The following CLSPN variants were observed in gnomAD, a reference collection of about 807,000 sequenced individuals.
The protein encoded by CLSPN is claspin.
Under a neutral mutation model 156.3 loss-of-function variants are expected in CLSPN, and 85 were observed. The observed-to-expected ratio is 0.54, with a 90% CI of 0.46 to 0.65. CLSPN has a LOEUF of 0.65. Ranked by LOEUF, CLSPN falls within the 30% of genes least tolerant of loss-of-function variation. The pLI is 0.00. For synonymous variants in CLSPN, 534 were observed against 542.4 expected, an observed-to-expected ratio of 0.98 and a Z score of 0.22; for missense variants, 1,407 against 1,554.9, an observed-to-expected ratio of 0.90 and a Z score of 1.60.
chr1:35,754,234 T>C (rs1300266885), intron 8 of CLSPN, among the ~76,000 whole-genome samples: 2 of 152,236 alleles, frequency 1.3e-5, no homozygotes, highest in Non-Finnish European at 2.9e-5. Context: ...TCTTTAAAAA[T>C]TCTTTAAAAG....
Position 35,764,266 on chromosome 1 carries a change from C to A in CLSPN, c.582G>T (p.Gln194His). The stretch of plus-strand genomic sequence containing the variant: ...TAGCAAATTATTCTTTAAAATGTAC[C>A]TGGTTTTTTGTTTCCTTCTTTTTTA... The part of the protein sequence containing the change: ...RQLKKKETKN[Q>H]EDDVEQPFND... Residue 194 changes from glutamine (Q) to histidine (H), a missense_variant and splice_region_variant, in exon 3 of 25, where the codon CAG (glutamine) becomes CAT (histidine). Physicochemically the swap from Gln to His is conservative, Grantham distance 24. Around this residue, in one of 3 missense-constraint regions of CLSPN, gnomAD observed 1,096 missense variants for 1,193.0 expected, o/e 0.92. Transcript: ENST00000318121. 6.5e-7 allele frequency: 1 copy of A among 1,545,438 alleles called. No homozygotes were observed. Among genetic ancestry groups the A allele is most frequent in the Non-Finnish European group, 8.7e-7 (1 of 1,148,336 alleles).
intron 9 of CLSPN, among the ~76,000 whole-genome samples, chr1:35,753,232 C>T (rs1358898903): frequency 6.6e-6 from 1 of 152,074 alleles, no homozygotes; most frequent in Non-Finnish European, 1.5e-5. Context: ...TCTGGGGCCA[C>T]AGGTGCAGGC....
downstream of CLSPN, among the ~76,000 whole-genome samples, chr1:35,729,715 A>G (rs1418675483): frequency 3.3e-5 from 5 of 152,118 alleles, no homozygotes; most frequent in Non-Finnish European, 7.4e-5. Context: ...CTAGCCACCA[A>G]TGGTGGACTA....
At chr1:35,764,789 A>T (rs909954278) in intron 2 of CLSPN, 75 bp from the exon 3 acceptor site, 4 of 914,276 alleles carry the variant, frequency 4.4e-6, no homozygotes, top group Non-Finnish European at 4.8e-6. Context: ...TCAAAAATAT[A>T]TTTTTATACA....
intron 1 of CLSPN, among the ~76,000 whole-genome samples, chr1:35,766,552 C>G (rs1429895785): frequency 6.6e-6 from 1 of 152,104 alleles, no homozygotes; most frequent in Non-Finnish European, 1.5e-5. Context: ...TCAAGCGATT[C>G]TCCTGCCTCA....
chr1:35,739,194 A>G lies in CLSPN; in HGVS notation c.3372T>C (p.Asp1124=). The change falls in exon 20 of 25, where the codon GAT becomes GAC. Residue 1124 remains aspartate (D), a synonymous_variant. Transcript: ENST00000318121. ...LRLYQERYLA[D]GDLHSDGPGR... ...CAGGACCATCGCTGTGCAGATCCCCATCAGCAAGGTACCTCTCTTGGTATA... is the reference window on the plus strand; with the variant it reads ...CAGGACCATCGCTGTGCAGATCCCCGTCAGCAAGGTACCTCTCTTGGTATA... The G allele has an allele frequency of 6.2e-7, 1 of 1,614,180 alleles. No homozygotes were observed. Among genetic ancestry groups the G allele is most frequent in the Non-Finnish European group, 8.5e-7 (1 of 1,180,030 alleles).
chr1:35,758,058 C>T (rs566448564), intron 8 of CLSPN, among the ~76,000 whole-genome samples: 2 of 152,264 alleles, frequency 1.3e-5, no homozygotes, highest in African/African-American at 2.4e-5. Context: ...CTCTCCATCT[C>T]CAAAGTCAAC....
At position 35,735,305 on chromosome 1, in the gene CLSPN, AAATT is replaced by A. The variant is rs550829367; in HGVS notation, c.*1187_*1190del. 2.3e-3 allele frequency: 2,314 copies of A among 985,434 alleles called. 3 individuals are homozygous for A. Among genetic ancestry groups the A allele is most frequent in the Non-Finnish European group, 2.6e-3 (2,179 of 829,932 alleles). 61.0% of individuals were successfully genotyped at this position (985,434 alleles called of 1,614,324 possible). On this transcript the variant is annotated 3_prime_UTR_variant, in exon 25 of 25. Transcript: ENST00000318121. ...AGTTTAAGTCCTTATTAAGCAGCAA[AAATT>A]AATTCAAAATTTGATGCTGCCTTGG...
At position 35,764,457 on chromosome 1, in the gene CLSPN, A is replaced by T; in HGVS notation, c.391T>A (p.Cys131Ser). The T allele has an allele frequency of 6.2e-7, 1 of 1,614,164 alleles. No homozygotes were observed. The highest frequency in any genetic ancestry group is 8.5e-7 in the Non-Finnish European group (1 of 1,180,020). The change falls in exon 3 of 25, where the codon TGC (cysteine) becomes AGC (serine). Residue 131 changes from cysteine (C) to serine (S), a missense_variant. Cys to Ser is a moderately radical substitution (Grantham distance 112). Coordinates refer to ENST00000318121, the MANE Select transcript of CLSPN (RefSeq NM_022111.4). The stretch of plus-strand genomic sequence containing the variant: ...CCAGACTGAAGACTCAGCTCTAAGC[A>T]AGGTTTCACTTGCGCTTCAAGATTT... ...QENLEAQVKPCLELSLQSGNS... is the reference protein window; with the variant it reads ...QENLEAQVKPSLELSLQSGNS...
chr1:35,720,938 C>A (rs761958466), exon 25 of CLSPN: 1 of 1,612,244 alleles, frequency 6.2e-7, no homozygotes, highest in Non-Finnish European at 8.5e-7. Context: ...GGGATAGGAG[C>A]TCCACTCCAG....
At position 35,743,444 on chromosome 1, in the gene CLSPN, T is replaced by C; in HGVS notation, c.3042+11A>G. 1 of 1,608,510 alleles carries C rather than the reference T, an allele frequency of 6.2e-7. No individual in the cohort carries two copies. Among genetic ancestry groups the C allele is most frequent in the Non-Finnish European group, 8.5e-7 (1 of 1,175,304 alleles). On this transcript the variant is annotated intron_variant, in intron 17 of 24. Transcript: ENST00000318121. ...GCTCAGTTATGATTACTTTGTTCCC[T>C]TCATACTCACCTCATCACTATCAAA...
chr1:35,751,549 A>G (rs1484106760), intron 9 of CLSPN, 43 bp from the exon 10 acceptor site: 15 of 1,572,044 alleles, frequency 9.5e-6, no homozygotes, highest in Non-Finnish European at 1.2e-5. Context: ...TAATACAATA[A>G]TTAGGTATGC....
At chr1:35,750,781 G>T (rs980333431) in intron 10 of CLSPN, among the ~76,000 whole-genome samples, 2 of 152,002 alleles carry the variant, frequency 1.3e-5, no homozygotes, top group South Asian at 4.2e-4. Flanking sequence ...AGGGCAAGAG[G>T]CCCTTCTACA....
chr1:35,748,726 G>T, intron 12 of CLSPN, 122 bp from the exon 13 acceptor site: 1 of 686,610 alleles, frequency 1.5e-6, no homozygotes, highest in Non-Finnish European at 2.5e-6. Context: ...CAAGTTATAT[G>T]TTCCAAAACA....
downstream of CLSPN, among the ~76,000 whole-genome samples, chr1:35,728,493 G>A (rs940668260): frequency 6.6e-6 from 1 of 152,170 alleles, no homozygotes; most frequent in Non-Finnish European, 1.5e-5. Flanking sequence ...AGACAGCCCT[G>A]GATCCTCAGT....
At position 35,735,223 on chromosome 1, in the gene CLSPN, T is replaced by C. The variant is rs1479755477; in HGVS notation, c.*1273A>G. 6 of 985,448 alleles carry C rather than the reference T, an allele frequency of 6.1e-6. No homozygotes were observed. Among genetic ancestry groups the C allele is most frequent in the East Asian group, 2.3e-4 (2 of 8,820 alleles). The allele number at this position is 985,448 out of a possible 1,614,324, so 61.0% of individuals were successfully genotyped here. On this transcript the variant is annotated 3_prime_UTR_variant, in exon 25 of 25. Transcript: ENST00000318121. ...TGGACAAACACTGGGTGTAACACTTTATCTTCATCCCCAAGCCCCAGAAAA... is the reference window on the plus strand; with the variant it reads ...TGGACAAACACTGGGTGTAACACTTCATCTTCATCCCCAAGCCCCAGAAAA...
In CLSPN at chr1:35,732,245, T is replaced by C. The variant is rs1432188916; in HGVS notation, c.*4251A>G. Reference sequence around the variant, plus strand: ...AGGATGACATAATCAAATAGTATCATGGGAACACTCCTCCCAGAAATACTC... The same window carrying C: ...AGGATGACATAATCAAATAGTATCACGGGAACACTCCTCCCAGAAATACTC... On this transcript the variant is annotated 3_prime_UTR_variant, in exon 25 of 25. Transcript: ENST00000318121. The C allele has an allele frequency of 2.2e-5, 22 of 985,238 alleles. No individual in the cohort carries two copies. The highest frequency in any genetic ancestry group is 1.9e-4 in the South Asian group (4 of 21,286). 61.0% of individuals were successfully genotyped at this position (985,238 alleles called of 1,614,324 possible).
rs1305355754 is a variant in CLSPN, at chr1:35,748,531, C to T, written c.2346G>A (p.Thr782=). ...HNSSFELIGS[T]IPSYQPCNRQ... Reference sequence around the variant, plus strand: ...TGTTGCAAGGCTGATAGGATGGAATCGTGGAGCCAATCAGCTCAAAGCTGC... The same window carrying T: ...TGTTGCAAGGCTGATAGGATGGAATTGTGGAGCCAATCAGCTCAAAGCTGC... Residue 782 remains threonine (T), a synonymous_variant, in exon 13 of 25, where the codon ACG becomes ACA. Transcript: ENST00000318121. The T allele has an allele frequency of 8.7e-6, 14 of 1,614,002 alleles. No individual in the cohort carries two copies. The East Asian group carries it at 2.0e-4, about 23-fold the overall frequency.
At position 35,751,270 on chromosome 1, in the gene CLSPN, C is replaced by CCTCCTCCTCTTCTTT; in HGVS notation, c.1993_2007dup (p.Lys665_Glu669dup). On this transcript the variant is annotated inframe_insertion, in exon 10 of 25. Coordinates refer to ENST00000318121, the MANE Select transcript of CLSPN (RefSeq NM_022111.4). ...GAAACCTCCTGATTTCCTTCTTCTT[C>CCTCCTCCTCTTCTTT]CTCCTCCTCTTCTTTCTCCTCCTCT... The CCTCCTCCTCTTCTTT allele has an allele frequency of 1.9e-6, 3 of 1,592,798 alleles. No individual in the cohort carries two copies. Among genetic ancestry groups the CCTCCTCCTCTTCTTT allele is most frequent in the East Asian group, 4.5e-5 (2 of 44,768 alleles).
Sources: gnomAD v4.1 joint callset for allele counts (sites outside exome capture counted in the v4.1 genomes callset) on GRCh38, gnomAD v4.1.1 for gene constraint, gnomAD v4.1.1 regional missense constraint, MANE v1.5 for transcripts, NCBI Gene and HGNC (gene_info 2026-07-23, HGNC 2026-07-21) for gene names.